RASL12: variants seen among roughly 807,000 people sequenced by gnomAD.
The protein encoded by RASL12 is ras-like protein family member 12.
RASL12 carries 16 observed loss-of-function variants against 22.9 expected under a neutral mutation model. That is an observed-to-expected ratio of 0.70 (90% CI 0.47 to 1.06). The LOEUF is 1.06. Among genes scored for constraint, RASL12 ranks in the 50% least tolerant of loss-of-function variants. The pLI is 0.00. For synonymous variants in RASL12, 159 were observed against 152.2 expected (o/e 1.04, Z -0.33); for missense variants, 306 against 353.1 (o/e 0.87, Z 1.07).
At chr15:65,061,878 T>C (rs2086810125) in intron 2 of RASL12, among the ~76,000 whole-genome samples, 1 of 151,750 alleles carries the variant, frequency 6.6e-6, no homozygotes, top group Admixed American at 6.6e-5. Flanking sequence ...TGAAACCCTG[T>C]CTCTACTAAA....
At chr15:65,063,948 G>A (rs2086845039) in intron 2 of RASL12, among the ~76,000 whole-genome samples, 1 of 152,184 alleles carries the variant, frequency 6.6e-6, no homozygotes, top group South Asian at 2.1e-4. Context: ...GGGCTTCTTT[G>A]GAGGGCTCTC....
At chr15:65,056,857 G>A (rs1049812903) in intron 4 of RASL12, among the ~76,000 whole-genome samples, 1 of 152,158 alleles carries the variant, frequency 6.6e-6, no homozygotes, top group Non-Finnish European at 1.5e-5. Flanking sequence ...TTTAGGGAAC[G>A]GGTGGGATCA....
upstream of RASL12, among the ~76,000 whole-genome samples, chr15:65,071,279 C>G (rs992080079): frequency 6.6e-6 from 1 of 152,136 alleles, no homozygotes; most frequent in East Asian, 1.9e-4. Context: ...CCTTTCTTTG[C>G]CCCCATCCCC....
Position 65,054,502 on chromosome 15 carries a change from G to C in RASL12, c.*397C>G. 3.0e-6 allele frequency: 3 copies of C among 1,005,988 alleles called. No individual in the cohort carries two copies. Among genetic ancestry groups the C allele is most frequent in the Non-Finnish European group, 3.6e-6 (3 of 843,360 alleles). The allele number at this position is 1,005,988 out of a possible 1,614,324, so 62.3% of individuals were successfully genotyped here. ...GGCTGTCATTCCGCAGGCTGTTCTC[G>C]GGCCTGACATTGACAGAGCCATCCA... On this transcript the variant is annotated 3_prime_UTR_variant, in exon 5 of 5. Transcript: ENST00000220062.
At chr15:65,064,435 CAAT>C (rs1468091935) in intron 2 of RASL12, among the ~76,000 whole-genome samples, 1 of 152,232 alleles carries the variant, frequency 6.6e-6, no homozygotes, top group East Asian at 1.9e-4. Context: ...TTCCTTTTTC[CAAT>C]ATACCATGAT....
At chr15:65,069,007 T>A (rs754005046), upstream of RASL12, among the ~76,000 whole-genome samples, 1 of 152,182 alleles carries the variant, frequency 6.6e-6, no homozygotes, top group Non-Finnish European at 1.5e-5. Flanking sequence ...CGCTCCAGGT[T>A]AGAGCAGGGA....
upstream of RASL12, among the ~76,000 whole-genome samples, chr15:65,072,212 C>T (rs2086936769): frequency 6.6e-6 from 1 of 152,172 alleles, no homozygotes; most frequent in African/African-American, 2.4e-5. Context: ...CCCACCCATC[C>T]CCCCATCTCC....
At chr15:65,076,210 C>G (rs571091103) in intron 1 of RASL12, among the ~76,000 whole-genome samples, 1 of 152,210 alleles carries the variant, frequency 6.6e-6, no homozygotes, top group African/African-American at 2.4e-5. Flanking sequence ...ACACTGTGGA[C>G]GCTTTATTCT....
At chr15:65,075,486 C>T (rs2086960875) in intron 1 of RASL12, among the ~76,000 whole-genome samples, 1 of 152,228 alleles carries the variant, frequency 6.6e-6, no homozygotes, top group African/African-American at 2.4e-5. Flanking sequence ...CAGCTGGGCT[C>T]CTGAGTCTGG....
upstream of RASL12, among the ~76,000 whole-genome samples, chr15:65,069,255 C>T (rs1484067353): frequency 6.6e-6 from 1 of 152,218 alleles, no homozygotes; most frequent in Non-Finnish European, 1.5e-5. Flanking sequence ...CATGGTAAAC[C>T]AGCTGTGTTA....
intron 1 of RASL12, among the ~76,000 whole-genome samples, chr15:65,076,356 G>A (rs1038960384): frequency 1.8e-4 from 28 of 152,004 alleles, no homozygotes; most frequent in Middle Eastern, 3.4e-3. Flanking sequence ...TGGGAGGAAC[G>A]AACAACTCCA....
In RASL12 at chr15:65,058,453, G is replaced by T; in HGVS notation, c.399C>A (p.Gly133=). 1.3e-6 allele frequency: 2 copies of T among 1,577,578 alleles called. No individual in the cohort carries two copies. The highest frequency in any genetic ancestry group is 2.3e-5 in the South Asian group (2 of 86,556). ...TGTACTGAGCCATGTCCAGCTTGTT[G>T]CCCAGCAGCAGGGCAGGGATGCTGC... ...TQRSIPALLL[G]NKLDMAQYRQ... The change falls in exon 4 of 5, where the codon GGC becomes GGA. Residue 133 remains glycine (G), a synonymous_variant. Coordinates refer to ENST00000220062, the MANE Select transcript of RASL12 (RefSeq NM_016563.4).
At chr15:65,051,555 G>A (rs776189674), downstream of RASL12, 14 of 1,613,820 alleles carry the variant, frequency 8.7e-6, no homozygotes, top group Non-Finnish European at 1.1e-5. Flanking sequence ...TGGCAGCTGT[G>A]GTGGTCATTA....
downstream of RASL12, chr15:65,052,934 C>T (rs775821319): frequency 1.4e-6 from 2 of 1,389,182 alleles, no homozygotes; most frequent in Admixed American, 1.8e-5. Flanking sequence ...CCACTCAGCC[C>T]CCCTCATTAA....
chr15:65,068,318 C>A, upstream of RASL12: 1 of 984,432 alleles, frequency 1.0e-6, no homozygotes. The surrounding 1 kb of genome is among the most constrained non-coding windows in gnomAD (Gnocchi z 4.2). Context: ...TCCACCCCTC[C>A]CTTTGTTCTA....
the RASL12 span, among the ~76,000 whole-genome samples, chr15:65,047,514 G>A: frequency 2.4e-4 from 37 of 152,282 alleles, no homozygotes; most frequent in Admixed American, 1.6e-3. Flanking sequence ...CCACACCCTA[G>A]AAGAAGACTG....
At position 65,058,613 on chromosome 15, in the gene RASL12, G is replaced by T. The variant is rs769143677; in HGVS notation, c.239C>A (p.Thr80Asn). 2.6e-6 allele frequency: 4 copies of T among 1,536,618 alleles called. No homozygotes were observed. The South Asian group carries it at 3.7e-5, about 14-fold the overall frequency. ...CAGGTAGCGCTCGCAGTTCCTGGGG[G>T]TGTCCTGGGGTGAAGGTGAGAAGCC... ...LRVMDTADLD[T>N]PRNCERYLNW... Residue 80 changes from threonine (T) to asparagine (N), a missense_variant, in exon 4 of 5, where the codon ACC becomes AAC. Transcript: ENST00000220062.
chr15:65,062,069 A>C (rs1251568243), intron 2 of RASL12, among the ~76,000 whole-genome samples: 1 of 151,826 alleles, frequency 6.6e-6, no homozygotes, highest in East Asian at 1.9e-4. Flanking sequence ...TGACCAAAAA[A>C]AAAAAAAAAA....
chr15:65,053,202 T>G, downstream of RASL12: 1 of 1,609,036 alleles, frequency 6.2e-7, no homozygotes. Flanking sequence ...GCCAGACACA[T>G]GATGTGGGCT....
Sources: gnomAD v4.1 joint callset for allele counts (sites outside exome capture counted in the v4.1 genomes callset) on GRCh38, gnomAD v4.1.1 for gene constraint, Gnocchi (gnomAD v3.1) non-coding constraint, MANE v1.5 for transcripts, NCBI Gene and HGNC (gene_info 2026-07-23, HGNC 2026-07-21) for gene names.